The following RIPOR2 variants were observed in gnomAD, a reference collection of about 807,000 sequenced individuals.
The protein encoded by RIPOR2 is RHO family interacting cell polarization regulator 2, also known as rho family-interacting cell polarization regulator 2.
A neutral mutation model predicts 114.5 loss-of-function variants in RIPOR2; 39 were observed. The observed-to-expected ratio is 0.34, with a 90% CI of 0.26 to 0.44. The LOEUF (loss-of-function observed/expected upper bound fraction) is 0.44. Ranked by LOEUF, RIPOR2 falls within the 20% of genes least tolerant of loss-of-function variation. RIPOR2 has a pLI of 1.00. For synonymous variants in RIPOR2, 445 were observed against 484.4 expected (o/e 0.92, Z 1.07); for missense variants, 1,007 against 1,255.1 (o/e 0.80, Z 2.99).
At chr6:25,002,551 G>A (rs932740221) in intron 1 of RIPOR2, among the ~76,000 whole-genome samples, 18 of 152,150 alleles carry the variant, frequency 1.2e-4, no homozygotes, top group African/African-American at 4.3e-4. Context: ...CGTTTCCATA[G>A]AAAGCAAAAC....
At chr6:24,854,707 A>G (rs1318042678) in intron 8 of RIPOR2, among the ~76,000 whole-genome samples, 1 of 152,132 alleles carries the variant, frequency 6.6e-6, no homozygotes, top group African/African-American at 2.4e-5. Context: ...AGGAAAAAAA[A>G]TAAAGTTTTA....
chr6:24,810,069 G>A (rs1421539951), intron 20 of RIPOR2, among the ~76,000 whole-genome samples: 2 of 152,104 alleles, frequency 1.3e-5, no homozygotes, highest in Non-Finnish European at 1.5e-5. Flanking sequence ...CAGGCTAGTC[G>A]AATTCTTCTG....
intron 17 of RIPOR2, among the ~76,000 whole-genome samples, chr6:24,828,538 T>C (rs1188429128): frequency 6.6e-6 from 1 of 151,986 alleles, no homozygotes; most frequent in Admixed American, 6.6e-5. Context: ...TGGTTGAAGA[T>C]AGAGTGAAGT....
rs1276652182 is a variant in RIPOR2, at chr6:24,883,492, G to GT, written c.62-7676dup. ...GGAGCAGGCAAGGAAGCAGAGAGAG[G>GT]TTTTGGGGGTGGTGGAAGTGTTCTA... is the stretch of plus-strand genomic sequence containing the variant. On this transcript the variant is annotated intron_variant, in intron 1 of 21. Coordinates refer to ENST00000643898, the MANE Select transcript of RIPOR2 (RefSeq NM_001286445.3). This position sits in a 1 kb window ranked among gnomAD's most constrained non-coding sequence, Gnocchi z 4.1. Among the ~76,000 whole-genome samples, 8 of 152,166 alleles carry GT rather than the reference G, an allele frequency of 5.3e-5. No individual in the cohort carries two copies. Among genetic ancestry groups the GT allele is most frequent in the African/African-American group, 1.4e-4 (6 of 41,432 alleles).
intron 1 of RIPOR2, among the ~76,000 whole-genome samples, chr6:25,007,650 A>G (rs1775609731): frequency 6.8e-6 from 1 of 147,878 alleles, no homozygotes; most frequent in African/African-American, 2.5e-5. Flanking sequence ...TTCCCCAGAC[A>G]CCTTGCACTC....
intron 2 of RIPOR2, among the ~76,000 whole-genome samples, chr6:24,875,081 T>C (rs1157407800): frequency 6.6e-6 from 1 of 152,230 alleles, no homozygotes; most frequent in African/African-American, 2.4e-5. Flanking sequence ...TTATTCGTTA[T>C]ACTCTCTGCC....
upstream of RIPOR2, among the ~76,000 whole-genome samples, chr6:24,940,696 C>T (rs1259557215): frequency 2.6e-5 from 4 of 151,832 alleles, no homozygotes; most frequent in South Asian, 2.1e-4. Context: ...CTCAGGCTGG[C>T]GTGCAGTGGC....
At chr6:24,839,693 C>T (rs914834596) in intron 13 of RIPOR2, 2 of 1,507,346 alleles carry the variant, frequency 1.3e-6, no homozygotes, top group Admixed American at 2.4e-5. Flanking sequence ...AACAGAACTG[C>T]TATATCCCTC....
At chr6:24,955,890 T>A (rs1773015470) in intron 1 of RIPOR2, among the ~76,000 whole-genome samples, 1 of 151,032 alleles carries the variant, frequency 6.6e-6, no homozygotes, top group African/African-American at 2.4e-5. Context: ...GTGCCTGTAA[T>A]CCCAGCTACT....
intron 1 of RIPOR2, chr6:25,024,431 G>A: frequency 9.7e-7 from 1 of 1,027,028 alleles, no homozygotes; most frequent in Non-Finnish European, 1.5e-6. Context: ...GGATGCAGGA[G>A]GTGTCCAGGC....
intron 1 of RIPOR2, among the ~76,000 whole-genome samples, chr6:24,971,235 G>A (rs73384104): frequency 0.019 from 2,958 of 152,302 alleles, 46 homozygotes; most frequent in African/African-American, 0.039. Context: ...ATGGGTTTAT[G>A]GGCAACAAGG....
chr6:25,029,432 AAG>A (rs1554133311), intron 1 of RIPOR2, among the ~76,000 whole-genome samples: 4 of 150,806 alleles, frequency 2.7e-5, no homozygotes, highest in African/African-American at 7.3e-5. Context: ...AAAAAAAAAA[AAG>A]AAGAAGAAGT....
At chr6:24,989,575 G>A (rs1397113410) in intron 1 of RIPOR2, among the ~76,000 whole-genome samples, 2 of 151,928 alleles carry the variant, frequency 1.3e-5, no homozygotes, top group Non-Finnish European at 2.9e-5. Context: ...GATTATAGGT[G>A]TGAGCCACCA....
intron 1 of RIPOR2, among the ~76,000 whole-genome samples, chr6:24,932,911 G>A (rs536612137): frequency 1.8e-4 from 28 of 152,340 alleles, no homozygotes; most frequent in African/African-American, 6.5e-4. Context: ...TTTACAGGTA[G>A]ATACATCATT....
At chr6:24,844,306 G>A (rs1762039450) in intron 12 of RIPOR2, among the ~76,000 whole-genome samples, 1 of 152,076 alleles carries the variant, frequency 6.6e-6, no homozygotes, top group African/African-American at 2.4e-5. Context: ...GAAGAGAGAG[G>A]CCAGAAATAT....
chr6:24,916,508 A>T (rs1554117809), intron 1 of RIPOR2, among the ~76,000 whole-genome samples: 1 of 152,238 alleles, frequency 6.6e-6, no homozygotes. Context: ...CTAAACGAGA[A>T]ATGAGAGCAT....
chr6:24,965,126 A>AT (rs1561812405), intron 1 of RIPOR2, among the ~76,000 whole-genome samples: 1 of 53,886 alleles, frequency 1.9e-5, no homozygotes, highest in East Asian at 1.2e-3. Context: ...TCTGAGCTAC[A>AT]TTTTTTTATT....
intron 19 of RIPOR2, among the ~76,000 whole-genome samples, chr6:24,823,303 C>T (rs1375677418): frequency 2.0e-5 from 3 of 152,162 alleles, no homozygotes; most frequent in Admixed American, 2.0e-4. Flanking sequence ...GGGAGTCAAA[C>T]ATTTCTAGGT....
chr6:24,848,105 C>T lies in RIPOR2; in HGVS notation c.1084G>A (p.Ala362Thr), dbSNP rs1182150482. The T allele has an allele frequency of 6.2e-7, 1 of 1,613,850 alleles. No homozygotes were observed. The highest frequency in any genetic ancestry group is 1.1e-5 in the South Asian group (1 of 91,054). Residue 362 changes from alanine to threonine, a missense_variant, in exon 12 of 22, where the codon GCA becomes ACA. Transcript: ENST00000643898. ...GACATTCTCCTCTGAAGGGCTGCTG[C>T]CTTGTTCCCAGCGCCTGAGGATGCG... is the stretch of plus-strand genomic sequence containing the variant. ...MTASSGAGNKAAALQRRMSMY... is the reference protein window; with the variant it reads ...MTASSGAGNKTAALQRRMSMY...
Sources: gnomAD v4.1 joint callset for allele counts (sites outside exome capture counted in the v4.1 genomes callset) on GRCh38, gnomAD v4.1.1 for gene constraint, Gnocchi (gnomAD v3.1) non-coding constraint, MANE v1.5 for transcripts, NCBI Gene and HGNC (gene_info 2026-07-23, HGNC 2026-07-21) for gene names.